Variants in AFG2A observed in about 807,000 individuals in gnomAD.
The protein encoded by AFG2A is AAA ATPase AFG2A.
the AFG2A span, among the ~76,000 whole-genome samples, chr4:122,986,778 AAAT>A: frequency 6.6e-6 from 1 of 152,150 alleles, no homozygotes; most frequent in Non-Finnish European, 1.5e-5. Context: ...AAAAAAGAGA[AAAT>A]AACGTGTATT....
At chr4:123,177,056 C>T in the AFG2A span, among the ~76,000 whole-genome samples, 1 of 152,012 alleles carries the variant, frequency 6.6e-6, no homozygotes, top group African/African-American at 2.4e-5. Context: ...AGTACAAAAG[C>T]CCTCATATTA....
At chr4:123,115,769 A>G in the AFG2A span, among the ~76,000 whole-genome samples, 4 of 152,074 alleles carry the variant, frequency 2.6e-5, no homozygotes, top group African/African-American at 4.8e-5. Context: ...GGCAGTGACT[A>G]CTTTGGATGG....
chr4:123,041,671 GGCATGT>G, the AFG2A span, among the ~76,000 whole-genome samples: 1 of 151,826 alleles, frequency 6.6e-6, no homozygotes, highest in Non-Finnish European at 1.5e-5. Context: ...TTGGATTACA[GGCATGT>G]GCTACTACTC....
the AFG2A span, among the ~76,000 whole-genome samples, chr4:123,033,559 G>A: frequency 2.6e-5 from 4 of 152,154 alleles, no homozygotes; most frequent in African/African-American, 9.7e-5. Flanking sequence ...AAAGTTAATA[G>A]GAAAGGGCAA....
chr4:123,150,314 A>C, the AFG2A span, among the ~76,000 whole-genome samples: 1 of 152,230 alleles, frequency 6.6e-6, no homozygotes, highest in Non-Finnish European at 1.5e-5. Context: ...GTATTTAAAT[A>C]GGAAGAGAGG....
At chr4:123,207,366 T>C in the AFG2A span, among the ~76,000 whole-genome samples, 1 of 143,652 alleles carries the variant, frequency 7.0e-6, no homozygotes, top group Non-Finnish European at 1.5e-5. Context: ...GGCTGGAGTG[T>C]AGTGGCGCAA....
the AFG2A span, among the ~76,000 whole-genome samples, chr4:123,003,256 T>G: frequency 2.0e-5 from 3 of 152,358 alleles, no homozygotes; most frequent in East Asian, 5.8e-4. Context: ...TTGAATTTCC[T>G]CCTGTAGCTC....
the AFG2A span, among the ~76,000 whole-genome samples, chr4:123,277,759 A>G: frequency 6.6e-6 from 1 of 152,126 alleles, no homozygotes; most frequent in Non-Finnish European, 1.5e-5. Context: ...AGCTCTGTTT[A>G]TAGGATTAAT....
the AFG2A span, among the ~76,000 whole-genome samples, chr4:123,115,608 C>T: frequency 3.3e-5 from 5 of 152,088 alleles, no homozygotes; most frequent in East Asian, 1.9e-4. Flanking sequence ...TAGGTCAGCC[C>T]GGCCCCACCT....
the AFG2A span, among the ~76,000 whole-genome samples, chr4:123,083,519 A>G: frequency 6.6e-6 from 1 of 151,080 alleles, no homozygotes; most frequent in Non-Finnish European, 1.5e-5. Context: ...AGCCTTGGGT[A>G]CTTGGAATAA....
At chr4:122,934,283 TA>T in the AFG2A span, 1 of 1,614,210 alleles carries the variant, frequency 6.2e-7, no homozygotes, top group South Asian at 1.1e-5. Context: ...AGCCTGGAGT[TA>T]TCCTTACAGC....
the AFG2A span, among the ~76,000 whole-genome samples, chr4:123,018,508 T>C: frequency 6.6e-6 from 1 of 152,218 alleles, no homozygotes. Flanking sequence ...GGTAGGATAG[T>C]GAAACAGCTA....
At chr4:123,168,003 C>G in the AFG2A span, among the ~76,000 whole-genome samples, 1 of 152,136 alleles carries the variant, frequency 6.6e-6, no homozygotes, top group Admixed American at 6.5e-5. Flanking sequence ...CTATGCACAC[C>G]AAACTGATTG....
chr4:123,319,252 GT>G, the AFG2A span: 1 of 152,142 alleles, frequency 6.6e-6, no homozygotes, highest in Non-Finnish European at 1.5e-5. Flanking sequence ...TACAGAAAAA[GT>G]TGCTGTAAAG....
the AFG2A span, chr4:123,260,150 T>C: frequency 0.77 from 116,937 of 152,100 alleles, 45,842 homozygotes; most frequent in Non-Finnish European, 0.85. Flanking sequence ...AAAAACACCT[T>C]CTTTTCTTTA....
chr4:123,154,085 C>T, the AFG2A span, among the ~76,000 whole-genome samples: 1 of 151,974 alleles, frequency 6.6e-6, no homozygotes, highest in Non-Finnish European at 1.5e-5. Flanking sequence ...TTGAACAACA[C>T]CATGAGAAAT....
the AFG2A span, among the ~76,000 whole-genome samples, chr4:123,273,887 G>A: frequency 6.6e-6 from 1 of 152,108 alleles, no homozygotes; most frequent in Non-Finnish European, 1.5e-5. Context: ...AAGCATTTTG[G>A]AATAGGGTTA....
At chr4:123,189,084 G>A in the AFG2A span, among the ~76,000 whole-genome samples, 1 of 152,140 alleles carries the variant, frequency 6.6e-6, no homozygotes, top group Admixed American at 6.5e-5. Flanking sequence ...TATCCTAAAA[G>A]CCTTAATTTC....
At chr4:123,084,931 T>TA in the AFG2A span, among the ~76,000 whole-genome samples, 4 of 152,114 alleles carry the variant, frequency 2.6e-5, no homozygotes, top group Admixed American at 6.6e-5. Context: ...GCACCCGGCC[T>TA]AAAAATATTT....
Sources: gnomAD v4.1 joint callset for allele counts (sites outside exome capture counted in the v4.1 genomes callset) on GRCh38, gnomAD v4.1.1 for gene constraint, MANE v1.5 for transcripts, NCBI Gene and HGNC (gene_info 2026-07-23, HGNC 2026-07-21) for gene names.